The following PDZRN4 variants were observed in gnomAD, a reference collection of about 807,000 sequenced individuals.
The protein encoded by PDZRN4 is PDZ domain-containing RING finger protein 4.
PDZRN4 carries 70 observed loss-of-function variants against 99.0 expected under a neutral mutation model. The ratio of observed to expected loss-of-function variants is 0.71; its 90% CI spans 0.58 to 0.86. The LOEUF is 0.86. Ranked by LOEUF, PDZRN4 falls within the 40% of genes least tolerant of loss-of-function variation. The pLI is 0.00. For missense variants in PDZRN4, 1,474 were observed against 1,331.2 expected, an observed-to-expected ratio of 1.11 and a Z score of -1.67; for synonymous variants, 551 against 501.6, an observed-to-expected ratio of 1.10 and a Z score of -1.32.
intron 3 of PDZRN4, among the ~76,000 whole-genome samples, chr12:41,383,330 A>C (rs1952140303): frequency 6.6e-6 from 1 of 152,254 alleles, no homozygotes; most frequent in African/African-American, 2.4e-5. Context: ...GAGAGAAAGA[A>C]GGCAGAAAAT....
chr12:41,297,150 G>GT (rs1374859209), intron 3 of PDZRN4, among the ~76,000 whole-genome samples: 1 of 152,034 alleles, frequency 6.6e-6, no homozygotes, highest in East Asian at 1.9e-4. Context: ...TAAAATTTCT[G>GT]TTTTTTAATT....
chr12:41,261,710 C>T (rs1202253179), intron 3 of PDZRN4, among the ~76,000 whole-genome samples: 2 of 152,094 alleles, frequency 1.3e-5, no homozygotes, highest in Non-Finnish European at 2.9e-5. Flanking sequence ...AGGATGGTCT[C>T]GATCTCCTGA....
chr12:41,354,832 A>C (rs772889408), intron 3 of PDZRN4, among the ~76,000 whole-genome samples: 5 of 152,082 alleles, frequency 3.3e-5, no homozygotes, highest in Non-Finnish European at 4.4e-5. Flanking sequence ...ATTCCTGTAG[A>C]ATAATTCAAA....
chr12:41,563,825 A>T (rs1386778440), intron 8 of PDZRN4, among the ~76,000 whole-genome samples, 176 bp downstream of exon 8: 1 of 152,172 alleles, frequency 6.6e-6, no homozygotes, highest in African/African-American at 2.4e-5. Context: ...TTTTAAAAAT[A>T]GATATGAAAG....
intron 8 of PDZRN4, among the ~76,000 whole-genome samples, chr12:41,566,912 G>T (rs562245591): frequency 6.6e-6 from 1 of 152,140 alleles, no homozygotes; most frequent in South Asian, 2.1e-4. Flanking sequence ...TCCACTTTGA[G>T]GCAAATTATC....
At chr12:41,350,233 A>G (rs1210589892) in intron 3 of PDZRN4, among the ~76,000 whole-genome samples, 1 of 152,036 alleles carries the variant, frequency 6.6e-6, no homozygotes, top group Non-Finnish European at 1.5e-5. Context: ...TAGATTATCA[A>G]GTGTGCTCCC....
chr12:41,447,666 T>C (rs1196658202), intron 3 of PDZRN4, among the ~76,000 whole-genome samples: 1 of 152,102 alleles, frequency 6.6e-6, no homozygotes, highest in East Asian at 1.9e-4. Flanking sequence ...TGTAATACTG[T>C]CCCCATTTTA....
At chr12:41,570,426 G>A (rs10880101) in intron 9 of PDZRN4, among the ~76,000 whole-genome samples, 2,645 of 152,210 alleles carry the variant, frequency 0.017, 72 homozygotes, top group East Asian at 0.14. Flanking sequence ...ACAAGGGAAA[G>A]GGGATATTCA....
chr12:41,254,152 T>C (rs2120815016), intron 3 of PDZRN4, among the ~76,000 whole-genome samples: 1 of 152,106 alleles, frequency 6.6e-6, no homozygotes, highest in South Asian at 2.1e-4. Context: ...AATATATATA[T>C]AAAGTAAAAC....
intron 3 of PDZRN4, among the ~76,000 whole-genome samples, chr12:41,210,157 G>A (rs2075767696): frequency 6.6e-6 from 1 of 151,326 alleles, no homozygotes; most frequent in African/African-American, 2.4e-5. Context: ...TTTGAGAAGT[G>A]TCTGTTCATA....
chr12:41,385,314 A>G (rs1952161464), intron 3 of PDZRN4, among the ~76,000 whole-genome samples: 1 of 152,162 alleles, frequency 6.6e-6, no homozygotes, highest in Admixed American at 6.5e-5. Context: ...CAAATGTCAC[A>G]GGGGAAAGGC....
At chr12:41,254,647 C>T (rs2120816195) in intron 3 of PDZRN4, among the ~76,000 whole-genome samples, 1 of 152,320 alleles carries the variant, frequency 6.6e-6, no homozygotes, top group East Asian at 1.9e-4. Context: ...AAGACAGATC[C>T]TCTGCAGTCC....
chr12:41,567,373 G>A (rs772351268), intron 8 of PDZRN4, among the ~76,000 whole-genome samples: 37 of 152,258 alleles, frequency 2.4e-4, no homozygotes, highest in Admixed American at 1.3e-4. Flanking sequence ...GTGCAGTCTC[G>A]TTGGGGGTTG....
chr12:41,537,315 T>C (rs1938766045), intron 5 of PDZRN4, among the ~76,000 whole-genome samples: 1 of 152,232 alleles, frequency 6.6e-6, no homozygotes, highest in African/African-American at 2.4e-5. Context: ...GAGCACTTCT[T>C]ACTTGCAAAG....
At chr12:41,341,977 G>T (rs11180839) in intron 3 of PDZRN4, among the ~76,000 whole-genome samples, 25,788 of 151,760 alleles carry the variant, frequency 0.17, 2,787 homozygotes, top group South Asian at 0.26. Flanking sequence ...AACCAAAACA[G>T]CATGGTACTG....
At chr12:41,287,986 G>A (rs1264660368) in intron 3 of PDZRN4, among the ~76,000 whole-genome samples, 1 of 152,040 alleles carries the variant, frequency 6.6e-6, no homozygotes, top group Admixed American at 6.6e-5. Context: ...CCTTTGTTTG[G>A]GCTTTATTGA....
intron 3 of PDZRN4, among the ~76,000 whole-genome samples, chr12:41,322,379 C>G (rs1229292319): frequency 6.6e-6 from 1 of 151,272 alleles, no homozygotes; most frequent in African/African-American, 2.4e-5. Context: ...AATTTTGGAT[C>G]TCATACTGGG....
Position 41,506,607 on chromosome 12 carries a change from C to T in PDZRN4, c.995C>T (p.Ala332Val), listed in dbSNP as rs1938209852. 8 of 1,613,790 alleles carry T rather than the reference C, an allele frequency of 5.0e-6. No individual in the cohort carries two copies. Among genetic ancestry groups the T allele is most frequent in the African/African-American group, 1.3e-5 (1 of 74,888 alleles). The change falls in exon 4 of 10, where the codon GCC becomes GTC. Residue 332 changes from alanine to valine, a missense_variant. Coordinates refer to ENST00000402685, the MANE Select transcript of PDZRN4 (RefSeq NM_001164595.2). Reference sequence around the variant, plus strand: ...GCTTCAGAAGTGCAGCTTATGAATGCCAGCACTCAGACGGACATCACCTTC... The same window carrying T: ...GCTTCAGAAGTGCAGCTTATGAATGTCAGCACTCAGACGGACATCACCTTC... ...GMASEVQLMN[A>V]STQTDITFEH...
intron 5 of PDZRN4, among the ~76,000 whole-genome samples, chr12:41,525,153 G>C (rs1282223473): frequency 6.6e-6 from 1 of 152,084 alleles, no homozygotes; most frequent in Non-Finnish European, 1.5e-5. Context: ...ATGCTGAGTG[G>C]GCCGCTATTG....
Sources: allele counts gnomAD v4.1 joint callset (sites outside exome capture counted in the v4.1 genomes callset), GRCh38; gene constraint gnomAD v4.1.1; transcripts MANE v1.5; gene names NCBI Gene and HGNC (gene_info 2026-07-23, HGNC 2026-07-21).